Variants in ENKUR observed in about 807,000 individuals in gnomAD.
ENKUR encodes enkurin, TRPC channel interacting protein.
ENKUR carries 19 observed loss-of-function variants against 27.6 expected under a neutral mutation model. The observed-to-expected ratio is 0.69, with a 90% CI of 0.48 to 1.01. The LOEUF is 1.01. ENKUR is among the 50% of genes least tolerant of loss of function. The pLI, the probability that ENKUR is intolerant of heterozygous loss-of-function variation, is 0.00. For missense variants in ENKUR, 312 were observed against 310.5 expected (o/e 1.00, Z -0.04); for synonymous variants, 117 against 96.9 (o/e 1.21, Z -1.22).
At chr10:25,047,731 C>T (rs772358635) in intron 2 of ENKUR, among the ~76,000 whole-genome samples, 23 of 152,238 alleles carry the variant, frequency 1.5e-4, no homozygotes, top group South Asian at 2.1e-4. Flanking sequence ...ATTTTAAAGG[C>T]GACTTTTCCC....
chr10:25,036,214 G>A (rs1277075143), intron 2 of ENKUR, among the ~76,000 whole-genome samples: 2 of 152,060 alleles, frequency 1.3e-5, no homozygotes, highest in African/African-American at 2.4e-5. Context: ...TGAATCATGG[G>A]GGTGCTTTTC....
intron 2 of ENKUR, among the ~76,000 whole-genome samples, chr10:25,040,959 T>C (rs1485352067): frequency 6.6e-6 from 1 of 152,206 alleles, no homozygotes; most frequent in Non-Finnish European, 1.5e-5. Context: ...TGTCAATAAA[T>C]ATATGAGTAA....
intron 2 of ENKUR, among the ~76,000 whole-genome samples, chr10:25,043,477 C>T (rs1411496387): frequency 3.9e-5 from 6 of 152,048 alleles, no homozygotes; most frequent in Non-Finnish European, 8.8e-5. Context: ...CATCTTTCCC[C>T]CAGTATATAA....
At chr10:25,024,080 C>T in intron 2 of ENKUR, 1 of 1,614,188 alleles carries the variant, frequency 6.2e-7, no homozygotes, top group Non-Finnish European at 8.5e-7. Flanking sequence ...CTAGTAGGAG[C>T]AACCTACGTA....
intron 2 of ENKUR, among the ~76,000 whole-genome samples, chr10:25,038,804 T>G (rs1851033184): frequency 1.3e-5 from 2 of 152,236 alleles, no homozygotes; most frequent in South Asian, 4.1e-4. Context: ...ACTATGTTTT[T>G]AAATGAATGG....
chr10:25,018,086 A>C (rs1041868168), upstream of ENKUR, among the ~76,000 whole-genome samples: 3 of 152,238 alleles, frequency 2.0e-5, no homozygotes, highest in Non-Finnish European at 4.4e-5. Flanking sequence ...CTGAAATAAA[A>C]TAATTTCACT....
chr10:25,007,500 T>C (rs1342476236), intron 1 of ENKUR, among the ~76,000 whole-genome samples: 2 of 152,222 alleles, frequency 1.3e-5, no homozygotes, highest in Non-Finnish European at 2.9e-5. Flanking sequence ...AGAGGCGCCA[T>C]CTCGGCTCAC....
At chr10:24,988,260 ATATATT>A (rs1272267220) in intron 4 of ENKUR, among the ~76,000 whole-genome samples, 70 of 140,498 alleles carry the variant, frequency 5.0e-4, no homozygotes, top group African/African-American at 1.9e-3. Context: ...ATGTGTATAT[ATATATT>A]TATATATATG....
chr10:25,054,706 A>G (rs1463315982), intron 2 of ENKUR, among the ~76,000 whole-genome samples: 1 of 145,898 alleles, frequency 6.9e-6, no homozygotes, highest in Non-Finnish European at 1.5e-5. Flanking sequence ...TTTCTGAGAC[A>G]GGGTCTCACT....
At chr10:25,047,930 C>T (rs1050182897) in intron 2 of ENKUR, among the ~76,000 whole-genome samples, 6 of 152,188 alleles carry the variant, frequency 3.9e-5, no homozygotes, top group African/African-American at 1.4e-4. Flanking sequence ...CACTTGGTCA[C>T]AATTTTTTTA....
intron 2 of ENKUR, among the ~76,000 whole-genome samples, chr10:25,046,221 G>C (rs1851120291): frequency 6.6e-6 from 1 of 152,094 alleles, no homozygotes; most frequent in Non-Finnish European, 1.5e-5. Context: ...CAATCAGAAT[G>C]ATACTAGAAA....
chr10:25,025,514 ACT>A, intron 2 of ENKUR: 1 of 1,479,352 alleles, frequency 6.8e-7, no homozygotes, highest in South Asian at 1.3e-5. Context: ...AATCTCAAAC[ACT>A]GATTTGGAGT....
intron 2 of ENKUR, among the ~76,000 whole-genome samples, chr10:25,022,582 AGTT>A (rs1202424584): frequency 6.6e-6 from 1 of 152,240 alleles, no homozygotes; most frequent in Non-Finnish European, 1.5e-5. Flanking sequence ...TTTGTCCTGT[AGTT>A]TGGAAAACTA....
chr10:25,031,707 G>T (rs1588679287), intron 2 of ENKUR, among the ~76,000 whole-genome samples: 2 of 137,814 alleles, frequency 1.5e-5, no homozygotes, highest in African/African-American at 5.4e-5. Context: ...TAACTTTTCT[G>T]TTATAGGTTA....
chr10:25,033,756 C>T (rs10828744), intron 2 of ENKUR, among the ~76,000 whole-genome samples: 38,321 of 151,818 alleles, frequency 0.25, 5,715 homozygotes, highest in East Asian at 0.5. Context: ...AGAGATGCAG[C>T]CATAGTGGAA....
At chr10:24,991,546 C>T (rs893725185) in intron 3 of ENKUR, among the ~76,000 whole-genome samples, 10 of 152,108 alleles carry the variant, frequency 6.6e-5, no homozygotes, top group Non-Finnish European at 1.5e-4. Flanking sequence ...GCCGGCAGGC[C>T]ATCGATCAGT....
chr10:25,060,468 G>A (rs896338049), intron 2 of ENKUR, among the ~76,000 whole-genome samples: 6 of 152,154 alleles, frequency 3.9e-5, no homozygotes, highest in African/African-American at 1.4e-4. Flanking sequence ...ATACTTGAAA[G>A]TCCCTTAGTT....
rs1564334649 is a variant in ENKUR, at chr10:24,988,662, A to ATG, written c.594+1799_594+1800dup. On this transcript the variant is annotated intron_variant, in intron 4 of 5. Transcript: ENST00000331161. ...CTGAAAATGTAGAGTGACACAGCAT[A>ATG]TGTATATATATATATATATATATAT... is the stretch of plus-strand genomic sequence containing the variant. Among the ~76,000 whole-genome samples the ATG allele has an allele frequency of 3.2e-3, 339 of 106,712 alleles. 19 individuals are homozygous for ATG. The highest frequency in any genetic ancestry group is 0.011 in the African/African-American group (326 of 30,076). The allele number at this position is 106,712 out of a possible 152,430, so 70.0% of individuals were successfully genotyped here. A position where few individuals can be genotyped will look rare whatever the true frequency, so the allele number is the denominator to read the frequency against.
intron 2 of ENKUR, among the ~76,000 whole-genome samples, chr10:25,044,844 C>T (rs569134342): frequency 6.6e-6 from 1 of 152,324 alleles, no homozygotes; most frequent in East Asian, 1.9e-4. Flanking sequence ...AAGAATCAGC[C>T]AAGTATTTAA....
Sources: gnomAD v4.1 joint callset for allele counts (sites outside exome capture counted in the v4.1 genomes callset) on GRCh38, gnomAD v4.1.1 for gene constraint, MANE v1.5 for transcripts, NCBI Gene and HGNC (gene_info 2026-07-23, HGNC 2026-07-21) for gene names.